The following DISP3 variants were observed in gnomAD, a reference collection of about 807,000 sequenced individuals.
The protein encoded by DISP3 is dispatched RND transporter family member 3, also known as protein dispatched homolog 3.
Under a neutral mutation model 135.3 loss-of-function variants are expected in DISP3, and 101 were observed. That is an observed-to-expected ratio of 0.75 (90% CI 0.64 to 0.88). The LOEUF (loss-of-function observed/expected upper bound fraction) is 0.88. DISP3 is among the 40% of genes least tolerant of loss of function. DISP3 has a pLI of 0.00. For synonymous variants in DISP3, 856 were observed against 817.0 expected, an observed-to-expected ratio of 1.05 and a Z score of -0.81; for missense variants, 1,713 against 1,878.6, an observed-to-expected ratio of 0.91 and a Z score of 1.63.
Position 11,514,455 on chromosome 1 carries a change from A to G in DISP3, c.1382A>G (p.Asn461Ser). ...TATGAAGTGCGCAGGACGTTCAACA[A>G]TGACATGCTCCTGGCCTTCATCAGC... is the stretch of plus-strand genomic sequence containing the variant. Reference protein sequence around the residue: ...FDYEVRRTFNNDMLLAFISSS... With the variant: ...FDYEVRRTFNSDMLLAFISSS... The change falls in exon 4 of 21, where the codon AAT becomes AGT. Residue 461 changes from asparagine to serine, a missense_variant. Transcript: ENST00000294484. The G allele has an allele frequency of 6.2e-7, 1 of 1,613,894 alleles. No individual in the cohort carries two copies. Among genetic ancestry groups the G allele is most frequent in the Non-Finnish European group, 8.5e-7 (1 of 1,179,790 alleles).
intron 3 of DISP3, among the ~76,000 whole-genome samples, chr1:11,505,294 C>A (rs1468209755): frequency 6.6e-6 from 1 of 152,224 alleles, no homozygotes; most frequent in African/African-American, 2.4e-5. Context: ...CAAGCCCCAG[C>A]ACAAGGCCAG....
At chr1:11,524,253 C>G (rs929543436) in intron 11 of DISP3, among the ~76,000 whole-genome samples, 198 bp downstream of exon 11, 1 of 152,016 alleles carries the variant, frequency 6.6e-6, no homozygotes, top group Non-Finnish European at 1.5e-5. Context: ...TAGGCTCCCG[C>G]GACACCCTGG....
chr1:11,529,584 C>A lies in DISP3; in HGVS notation c.2827C>A (p.Pro943Thr). 1.3e-6 allele frequency: 2 copies of A among 1,594,684 alleles called. No individual in the cohort carries two copies. The highest frequency in any genetic ancestry group is 1.7e-6 in the Non-Finnish European group (2 of 1,167,174). The change falls in exon 14 of 21, where the codon CCC (proline) becomes ACC (threonine). Residue 943 changes from proline (P) to threonine (T), a missense_variant. Transcript: ENST00000294484. This position sits in a 1 kb window ranked among gnomAD's most constrained non-coding sequence, Gnocchi z 4.7. ...GCTGTACTTCGCCCAGTCCCACAAG[C>A]CCCCCTTCCACGGGCGCGTATGCAT... ...RKLYFAQSHK[P>T]PFHGRVCMAP...
intron 3 of DISP3, among the ~76,000 whole-genome samples, chr1:11,509,169 A>G (rs1345708688): frequency 6.6e-6 from 1 of 152,116 alleles, no homozygotes; most frequent in Non-Finnish European, 1.5e-5. Flanking sequence ...TGTATAACTT[A>G]AAAGTGTGTT....
At position 11,519,777 on chromosome 1, in the gene DISP3, A is replaced by G; in HGVS notation, c.2097A>G (p.Pro699=). The change falls in exon 9 of 21, where the codon CCA becomes CCG. Residue 699 remains proline, a synonymous_variant. Coordinates refer to ENST00000294484, the MANE Select transcript of DISP3 (RefSeq NM_020780.2). This position sits in a 1 kb window ranked among gnomAD's most constrained non-coding sequence, Gnocchi z 4.3. The part of the protein sequence containing the change: ...LVSVSPEGLQ[P]ASNTGSRGHL... Reference sequence around the variant, plus strand: ...CTGTGTCCCCCGAGGGTCTGCAGCCAGCCTCCAACACGGGCAGCCGCGGCC... The same window carrying G: ...CTGTGTCCCCCGAGGGTCTGCAGCCGGCCTCCAACACGGGCAGCCGCGGCC... 6.2e-7 allele frequency: 1 copy of G among 1,613,156 alleles called. No homozygotes were observed. Among genetic ancestry groups the G allele is most frequent in the Middle Eastern group, 1.7e-4 (1 of 6,030 alleles).
intron 3 of DISP3, among the ~76,000 whole-genome samples, chr1:11,504,199 A>G (rs545048253): frequency 1.3e-5 from 2 of 152,246 alleles, no homozygotes; most frequent in Non-Finnish European, 2.9e-5. Context: ...ATACCAGCTC[A>G]TTTAATTCTC....
In DISP3 at chr1:11,489,809, C is replaced by T. The variant is rs977666330; in HGVS notation, c.-4+10437C>T. ...GGCACAGATCCCCTGCTTCCTCCAC[C>T]TCCCTTGCCCCCAAGCTTGAACTTG... On this transcript the variant is annotated intron_variant, in intron 1 of 20. Transcript: ENST00000294484. Among the ~76,000 whole-genome samples, 3 of 152,198 alleles carry T rather than the reference C, an allele frequency of 2.0e-5. No individual in the cohort carries two copies. The South Asian group carries it at 6.2e-4, about 32-fold the overall frequency.
intron 2 of DISP3, 57 bp downstream of exon 2, chr1:11,502,145 TG>T: frequency 6.6e-7 from 1 of 1,507,954 alleles, no homozygotes; most frequent in Non-Finnish European, 8.8e-7. Context: ...CAGCTCTTTA[TG>T]GAGATTTGGC....
In DISP3 at chr1:11,520,937, C is replaced by T; in HGVS notation, c.2362+89C>T. The T allele has an allele frequency of 2.1e-6, 3 of 1,405,674 alleles. No homozygotes were observed. The highest frequency in any genetic ancestry group is 2.5e-5 in the East Asian group (1 of 39,666). 87.1% of individuals were successfully genotyped at this position (1,405,674 alleles called of 1,614,324 possible). On this transcript the variant is annotated intron_variant, in intron 10 of 20. Coordinates refer to ENST00000294484, the MANE Select transcript of DISP3 (RefSeq NM_020780.2). The surrounding 1 kb of genome is among the most constrained non-coding windows in gnomAD (Gnocchi z 4.8). ...CTGAGAGATGCAGGATCCAGGGTCC[C>T]CATCAATGCCAGACCTCAGGCAAAT...
intron 1 of DISP3, among the ~76,000 whole-genome samples, chr1:11,489,716 T>A (rs747552778): frequency 2.0e-5 from 3 of 152,210 alleles, no homozygotes; most frequent in Non-Finnish European, 2.9e-5. Flanking sequence ...TGACTTGTTC[T>A]AGGTCACACA....
chr1:11,501,723 C>T lies in DISP3; in HGVS notation c.731C>T (p.Ala244Val). 1 of 1,595,652 alleles carries T rather than the reference C, an allele frequency of 6.3e-7. No individual in the cohort carries two copies. ...PSIPPHAAVAANQSRARRGAS... is the reference protein window; with the variant it reads ...PSIPPHAAVAVNQSRARRGAS... The stretch of plus-strand genomic sequence containing the variant: ...ATCCCGCCCCACGCGGCAGTCGCGG[C>T]CAATCAGAGCCGTGCCCGCCGAGGC... The change falls in exon 2 of 21, where the codon GCC becomes GTC. Residue 244 changes from alanine (A) to valine (V), a missense_variant. Coordinates refer to ENST00000294484, the MANE Select transcript of DISP3 (RefSeq NM_020780.2). This position sits in a 1 kb window ranked among gnomAD's most constrained non-coding sequence, Gnocchi z 4.9.
At chr1:11,509,358 A>C (rs181312729) in intron 3 of DISP3, among the ~76,000 whole-genome samples, 1 of 152,132 alleles carries the variant, frequency 6.6e-6, no homozygotes, top group East Asian at 1.9e-4. Context: ...ACTTGAAAAA[A>C]AAAAGTTCTG....
At chr1:11,513,936 CA>C (rs903073796) in intron 3 of DISP3, among the ~76,000 whole-genome samples, 44 of 136,614 alleles carry the variant, frequency 3.2e-4, no homozygotes, top group African/African-American at 9.4e-4. Context: ...ACAGTTTGAC[CA>C]GCCTGGTTAT....
intron 3 of DISP3, among the ~76,000 whole-genome samples, chr1:11,507,226 G>C (rs1187610974): frequency 6.6e-6 from 1 of 152,210 alleles, no homozygotes; most frequent in Non-Finnish European, 1.5e-5. Flanking sequence ...ACCACACTGA[G>C]AGTTGAGGAT....
At chr1:11,534,905 C>A in intron 18 of DISP3, 106 bp from the exon 19 acceptor site, 1 of 1,035,680 alleles carries the variant, frequency 9.7e-7, no homozygotes, top group Non-Finnish European at 1.5e-6. Context: ...CCCCATTTTA[C>A]AGACTGGGAG....
chr1:11,480,260 G>A (rs116111798), intron 1 of DISP3, among the ~76,000 whole-genome samples: 1,802 of 152,260 alleles, frequency 0.012, 38 homozygotes, highest in African/African-American at 0.041. Context: ...CCCCGGGTCA[G>A]CACCGCGGAC....
chr1:11,497,219 T>A (rs898806242), intron 1 of DISP3, among the ~76,000 whole-genome samples: 5 of 152,188 alleles, frequency 3.3e-5, no homozygotes, highest in African/African-American at 4.8e-5. Flanking sequence ...TTTTAAAAAA[T>A]TTTTCCATAG....
chr1:11,535,630 C>T lies in DISP3; in HGVS notation c.3802C>T (p.Pro1268Ser), dbSNP rs189867539. ...CCTGCTGGCTGGAGAGAACCTGCCC[C>T]CCCACCAGGCCGAGGTGCGCACCCT... ...GYLLAGENLP[P>S]HQAEDARTQR... The change falls in exon 20 of 21, where the codon CCC becomes TCC. Residue 1268 changes from proline (P) to serine (S), a missense_variant. Pro to Ser is a moderately conservative substitution (Grantham distance 74). Coordinates refer to ENST00000294484, the MANE Select transcript of DISP3 (RefSeq NM_020780.2). 40 of 1,612,258 alleles carry T rather than the reference C, an allele frequency of 2.5e-5. No homozygotes were observed. The Admixed American group carries it at 4.8e-4, about 19-fold the overall frequency.
chr1:11,534,597 G>T, intron 18 of DISP3, 57 bp downstream of exon 18: 1 of 1,554,456 alleles, frequency 6.4e-7, no homozygotes, highest in Non-Finnish European at 8.7e-7. Context: ...GGGACCTGGG[G>T]CCGGGAGGGC....
Sources: allele counts gnomAD v4.1 joint callset (sites outside exome capture counted in the v4.1 genomes callset), GRCh38; gene constraint gnomAD v4.1.1; non-coding constraint Gnocchi (gnomAD v3.1); transcripts MANE v1.5; gene names NCBI Gene and HGNC (gene_info 2026-07-23, HGNC 2026-07-21).